The following TARS2 variants were observed in gnomAD, a reference collection of about 807,000 sequenced individuals.
The protein encoded by TARS2 is threonine--tRNA ligase, mitochondrial.
In TARS2, 61 loss-of-function variants were observed where a neutral mutation model predicts 94.4. That is an observed-to-expected ratio of 0.65 (90% CI 0.53 to 0.80). TARS2 has a LOEUF of 0.80. Ranked by LOEUF, TARS2 falls within the 30% of genes least tolerant of loss-of-function variation. The probability of loss-of-function intolerance (pLI) is 0.00; values close to 1 mark genes in which losing one functional copy is unlikely to be tolerated. For missense variants in TARS2, 704 were observed against 902.5 expected (o/e 0.78, Z 2.82); for synonymous variants, 359 against 353.4 (o/e 1.02, Z -0.18).
In TARS2 at chr1:150,496,468, A is replaced by T; in HGVS notation, c.775-14A>T. The T allele has an allele frequency of 1.2e-6, 2 of 1,601,396 alleles. No homozygotes were observed. Among genetic ancestry groups the T allele is most frequent in the Non-Finnish European group, 1.7e-6 (2 of 1,171,874 alleles). On this transcript the variant is annotated splice_polypyrimidine_tract_variant and intron_variant, in intron 7 of 17. Transcript: ENST00000369064. ...GTCCTCATCTTTCCTTTGATCCCCT[A>T]TGTCCTCACACAGAACTCATCATCC... is the stretch of plus-strand genomic sequence containing the variant.
intron 8 of TARS2, 90 bp downstream of exon 8, chr1:150,496,718 C>G: frequency 6.2e-7 from 1 of 1,602,318 alleles, no homozygotes; most frequent in Non-Finnish European, 8.5e-7. Context: ...CAGATTCAGT[C>G]ACACAGACTG....
rs1429660786 is a variant in TARS2 at position 150,504,743 on chromosome 1, C to T, written c.1820+10C>T. On this transcript the variant is annotated intron_variant, in intron 15 of 17. Coordinates refer to ENST00000369064, the MANE Select transcript of TARS2 (RefSeq NM_025150.5). Reference sequence around the variant, plus strand: ...GCTGCGGGGGGAAATGGTGAGACCTCTGACCTGGATTTCTGTTCTGGCCCC... The same window carrying T: ...GCTGCGGGGGGAAATGGTGAGACCTTTGACCTGGATTTCTGTTCTGGCCCC... 3 of 1,614,008 alleles carry T rather than the reference C, an allele frequency of 1.9e-6. No individual in the cohort carries two copies. In the Admixed American group the frequency reaches 5.0e-5, roughly 27 times the overall value.
At chr1:150,503,585 A>ATATATATGTGTGTG (rs1461714331) in intron 13 of TARS2, among the ~76,000 whole-genome samples, 17 of 137,174 alleles carry the variant, frequency 1.2e-4, no homozygotes, top group Admixed American at 3.6e-4. Context: ...GTGTATATAT[A>ATATATATGTGTGTG]TGTGTGTGTG....
chr1:150,493,471 C>A (rs1421048260), intron 7 of TARS2, among the ~76,000 whole-genome samples: 2 of 152,008 alleles, frequency 1.3e-5, no homozygotes, highest in Non-Finnish European at 2.9e-5. Flanking sequence ...TATGAAAATA[C>A]CGTTCTGCAT....
chr1:150,490,590 TG>T lies in TARS2; in HGVS notation c.388-10del. On this transcript the variant is annotated splice_polypyrimidine_tract_variant and intron_variant, in intron 3 of 17. Coordinates refer to ENST00000369064, the MANE Select transcript of TARS2 (RefSeq NM_025150.5). The stretch of plus-strand genomic sequence containing the variant: ...TTTATGAACTTGTGAACCCCTTTTT[TG>T]TGAACCCAGGTGTTCTGGCACTCCA... 1 of 1,610,494 alleles carries T rather than the reference TG, an allele frequency of 6.2e-7. No homozygotes were observed. Among genetic ancestry groups the T allele is most frequent in the Admixed American group, 1.7e-5 (1 of 58,610 alleles).
At chr1:150,491,062 AAAC>A (rs879545250) in intron 4 of TARS2, among the ~76,000 whole-genome samples, 40 of 75,258 alleles carry the variant, frequency 5.3e-4, no homozygotes, top group South Asian at 2.0e-3. Flanking sequence ...CTCAAAAAAA[AAAC>A]AAAAAGAAAA....
In TARS2 at chr1:150,490,720, G is replaced by C. The variant is rs1669345223; in HGVS notation, c.507G>C (p.Lys169Asn). 1 of 1,613,706 alleles carries C rather than the reference G, an allele frequency of 6.2e-7. No individual in the cohort carries two copies. Among genetic ancestry groups the C allele is most frequent in the East Asian group, 2.2e-5 (1 of 44,870 alleles). ...TTTACCATGATTTCTTCCTGGGAAAGGAGAGGTGAGTAATGAAAGGAAGGA... is the reference window on the plus strand; with the variant it reads ...TTTACCATGATTTCTTCCTGGGAAACGAGAGGTGAGTAATGAAAGGAAGGA... ...YGFYHDFFLG[K>N]ERTIRGSELP... is the part of the protein sequence containing the mutation. Residue 169 changes from lysine to asparagine, a missense_variant, in exon 4 of 18, where the codon AAG becomes AAC. This residue lies in a region of TARS2 where 208 missense variants were observed against 228.5 expected (regional missense o/e 0.91). Transcript: ENST00000369064.
chr1:150,495,261 C>A (rs947344330), intron 7 of TARS2, among the ~76,000 whole-genome samples: 1 of 149,160 alleles, frequency 6.7e-6, no homozygotes, highest in South Asian at 2.2e-4. Flanking sequence ...AGGAGAATGG[C>A]GTGAACCTGG....
chr1:150,490,112 G>GTAT (rs1669315849), intron 3 of TARS2, among the ~76,000 whole-genome samples: 1 of 94,368 alleles, frequency 1.1e-5, no homozygotes, highest in Admixed American at 1.0e-4. Context: ...TTTCTATTCA[G>GTAT]TCTTTTTTTT....
In TARS2 at chr1:150,497,727, T is replaced by C. The variant is rs773497849; in HGVS notation, c.1218T>C (p.Pro406=). The change falls in exon 10 of 18, where the codon CCT becomes CCC. Residue 406 remains proline, a synonymous_variant. Transcript: ENST00000369064. ...RHITDTLALK[P]MNCPAHCLMF... is the part of the protein sequence containing the mutation. ...TCACAGATACACTCGCCCTCAAGCC[T>C]ATGAACTGCCCTGCACACTGGTAAG... 1 of 1,614,028 alleles carries C rather than the reference T, an allele frequency of 6.2e-7. No homozygotes were observed. Among genetic ancestry groups the C allele is most frequent in the Non-Finnish European group, 8.5e-7 (1 of 1,179,992 alleles).
intron 3 of TARS2, chr1:150,489,374 GT>G: frequency 5.0e-6 from 2 of 399,140 alleles, no homozygotes; most frequent in Non-Finnish European, 9.6e-6. Flanking sequence ...TCTTGAGCAC[GT>G]ACATTATAAG....
At chr1:150,492,121 A>G (rs775562730) in intron 6 of TARS2, 2 of 335,602 alleles carry the variant, frequency 6.0e-6, no homozygotes, top group Non-Finnish European at 1.1e-5. Flanking sequence ...ATGCACCACC[A>G]TGCCTAGCTA....
At chr1:150,493,317 G>A (rs1395150962) in intron 7 of TARS2, among the ~76,000 whole-genome samples, 2 of 152,174 alleles carry the variant, frequency 1.3e-5, no homozygotes, top group Non-Finnish European at 2.9e-5. Flanking sequence ...ATTAAGGGGG[G>A]TGGAGGGGTG....
In TARS2 at chr1:150,489,000, G is replaced by A; in HGVS notation, c.300G>A (p.Val100=). Residue 100 remains valine, a synonymous_variant, in exon 3 of 18, where the codon GTG becomes GTA. Coordinates refer to ENST00000369064, the MANE Select transcript of TARS2 (RefSeq NM_025150.5). The part of the protein sequence containing the change: ...TLADTAVAAQ[V]NGEPYDLERP... ...CAGATACTGCAGTGGCTGCTCAAGT[G>A]AATGGAGAACCTTATGATCTGGAGC... 6.2e-7 allele frequency: 1 copy of A among 1,614,190 alleles called. No homozygotes were observed. The highest frequency in any genetic ancestry group is 8.5e-7 in the Non-Finnish European group (1 of 1,180,028).
At chr1:150,505,936 C>T (rs1333777576) in intron 17 of TARS2, among the ~76,000 whole-genome samples, 1 of 152,172 alleles carries the variant, frequency 6.6e-6, no homozygotes, top group African/African-American at 2.4e-5. Context: ...TTTAACTCCA[C>T]TCTAGCTGTT....
At chr1:150,491,307 G>A in intron 4 of TARS2, 87 bp from the exon 5 acceptor site, 1 of 1,314,502 alleles carries the variant, frequency 7.6e-7, no homozygotes, top group South Asian at 1.2e-5. Flanking sequence ...TTGAAGGACA[G>A]GACCTTACCC....
At chr1:150,492,756 G>T (rs1482558451) in intron 7 of TARS2, among the ~76,000 whole-genome samples, 2 of 143,398 alleles carry the variant, frequency 1.4e-5, no homozygotes, top group Non-Finnish European at 3.0e-5. Flanking sequence ...GTTGTAGTGA[G>T]CCGAGACTGC....
chr1:150,491,780 G>T, intron 6 of TARS2, 118 bp downstream of exon 6: 1 of 1,132,258 alleles, frequency 8.8e-7, no homozygotes, highest in Non-Finnish European at 1.3e-6. Context: ...AAAGAAATGG[G>T]AATGGGAATT....
intron 3 of TARS2, chr1:150,489,328 A>G: frequency 2.0e-6 from 1 of 500,036 alleles, no homozygotes; most frequent in Non-Finnish European, 3.7e-6. Context: ...TGTTGAAAAA[A>G]CGAAAGGATA....
Sources: gnomAD v4.1 joint callset for allele counts (sites outside exome capture counted in the v4.1 genomes callset) on GRCh38, gnomAD v4.1.1 for gene constraint, gnomAD v4.1.1 regional missense constraint, MANE v1.5 for transcripts, NCBI Gene and HGNC (gene_info 2026-07-23, HGNC 2026-07-21) for gene names.